The following MRO variants were observed in gnomAD, a reference collection of about 807,000 sequenced individuals.
MRO encodes the protein protein maestro.
In MRO, 28 loss-of-function variants were observed where a neutral mutation model predicts 31.0. That is an observed-to-expected ratio of 0.90 (90% CI 0.67 to 1.24). MRO has a LOEUF of 1.24. MRO is among the 50% of genes most tolerant of loss of function. MRO has a pLI of 0.00. For missense variants in MRO, 332 were observed against 289.2 expected (o/e 1.15, Z -1.07); for synonymous variants, 108 against 108.4 (o/e 1.00, Z 0.02).
intron 2 of MRO, among the ~76,000 whole-genome samples, chr18:50,809,985 A>G (rs559590216): frequency 1.3e-5 from 2 of 152,288 alleles, no homozygotes; most frequent in African/African-American, 4.8e-5. Flanking sequence ...CAGGGGTTTG[A>G]GACAGGGTTT....
chr18:50,799,457 G>C lies in MRO; in HGVS notation c.694-67C>G. The stretch of plus-strand genomic sequence containing the variant: ...ACAAACTTCCTTGACAATGTAACTA[G>C]TAGGCAGTGATCAGTGCAGGGCATG... On this transcript the variant is annotated intron_variant, in intron 7 of 7. Transcript: ENST00000398439. 6.6e-6 allele frequency: 9 copies of C among 1,357,020 alleles called. No homozygotes were observed. In the South Asian group the frequency reaches 8.2e-5, roughly 12 times the overall value. The allele number at this position is 1,357,020 out of a possible 1,614,324, so 84.1% of individuals were successfully genotyped here. A position where few individuals can be genotyped will look rare whatever the true frequency, so the allele number is the denominator to read the frequency against.
At chr18:50,819,122 A>C (rs1915166854) in intron 2 of MRO, among the ~76,000 whole-genome samples, 1 of 152,214 alleles carries the variant, frequency 6.6e-6, no homozygotes, top group Non-Finnish European at 1.5e-5. Flanking sequence ...ACTGGGCTTA[A>C]AGTAATGTTG....
rs1052633801 is a variant in MRO, at chr18:50,798,507, T to G, written c.*830A>C. 3 of 152,196 alleles carry G rather than the reference T, an allele frequency of 2.0e-5. No homozygotes were observed. The highest frequency in any genetic ancestry group is 2.1e-4 in the South Asian group (1 of 4,834). 9.4% of individuals were successfully genotyped at this position (152,196 alleles called of 1,614,324 possible). On this transcript the variant is annotated 3_prime_UTR_variant, in exon 8 of 8. Transcript: ENST00000398439. Reference sequence around the variant, plus strand: ...ATGTTTGAATTCCAGCTCCACTGTTTACTGAGTTATCTGGGGAAAGTTACC... The same window carrying G: ...ATGTTTGAATTCCAGCTCCACTGTTGACTGAGTTATCTGGGGAAAGTTACC...
At chr18:50,809,521 G>T in intron 2 of MRO, 117 bp from the exon 3 acceptor site, 1 of 624,564 alleles carries the variant, frequency 1.6e-6, no homozygotes, top group African/African-American at 1.9e-5. Context: ...CCTGAGGCCT[G>T]TCTTTAGGAA....
chr18:50,799,099 C>G lies in MRO; in HGVS notation c.*238G>C. On this transcript the variant is annotated 3_prime_UTR_variant, in exon 8 of 8. Transcript: ENST00000398439. ...ATGTTTTAAAGAAAGTGTGTACCTG[C>G]TCATCAAATTTGTATGGGGAGGAAA... 1 of 483,280 alleles carries G rather than the reference C, an allele frequency of 2.1e-6. No homozygotes were observed. The highest frequency in any genetic ancestry group is 2.4e-5 in the South Asian group (1 of 41,164). The allele number at this position is 483,280 out of a possible 1,614,324, so 29.9% of individuals were successfully genotyped here.
upstream of MRO, among the ~76,000 whole-genome samples, chr18:50,821,547 A>C (rs12970638): frequency 0.052 from 7,842 of 152,270 alleles, 271 homozygotes; most frequent in Non-Finnish European, 0.081. Flanking sequence ...AGAACAGAGG[A>C]GACTGGAGAA....
At chr18:50,801,592 A>G in intron 5 of MRO, 88 bp from the exon 6 acceptor site, 4 of 1,252,622 alleles carry the variant, frequency 3.2e-6, no homozygotes, top group Non-Finnish European at 4.5e-6. Context: ...ATCGGTCAGA[A>G]CACATCACAG....
chr18:50,823,362 A>T (rs1599052170), upstream of MRO, among the ~76,000 whole-genome samples: 1 of 152,214 alleles, frequency 6.6e-6, no homozygotes, highest in Non-Finnish European at 1.5e-5. Context: ...CCTCCAGCAC[A>T]TGGAGGCAGG....
At position 50,809,368 on chromosome 18, in the gene MRO, C is replaced by T. The variant is rs753654021; in HGVS notation, c.33G>A (p.Gln11=). The change falls in exon 3 of 8, where the codon CAG becomes CAA. Residue 11 remains glutamine, a synonymous_variant. Coordinates refer to ENST00000398439, the MANE Select transcript of MRO (RefSeq NM_031939.6). The stretch of plus-strand genomic sequence containing the variant: ...GCTGGGAAGTAGGGATGGAAAGGGG[C>T]TGGCCCAGGATTCTCCTCTGTCTTT... MDQRQRRILG[Q]PLSIPTSQPK... 1 of 1,613,676 alleles carries T rather than the reference C, an allele frequency of 6.2e-7. No homozygotes were observed. Among genetic ancestry groups the T allele is most frequent in the Non-Finnish European group, 8.5e-7 (1 of 1,179,772 alleles).
upstream of MRO, chr18:50,823,618 A>C (rs191264090): frequency 7.2e-5 from 11 of 152,244 alleles, no homozygotes; most frequent in Non-Finnish European, 1.2e-4. Flanking sequence ...CCACAAAATC[A>C]TGCAAACCAA....
At chr18:50,806,125 G>A (rs1913899568) in intron 4 of MRO, among the ~76,000 whole-genome samples, 1 of 152,066 alleles carries the variant, frequency 6.6e-6, no homozygotes, top group Admixed American at 6.5e-5. Context: ...AAAAGAAATG[G>A]GGTTTCACCA....
chr18:50,812,307 A>G (rs1357083726), intron 2 of MRO, among the ~76,000 whole-genome samples: 10 of 152,038 alleles, frequency 6.6e-5, no homozygotes, highest in Non-Finnish European at 2.9e-5. Context: ...GGTGATTTCT[A>G]TGTCTTCTTT....
chr18:50,815,226 T>G (rs1266372603), intron 2 of MRO: 1 of 211,028 alleles, frequency 4.7e-6, no homozygotes, highest in Admixed American at 4.8e-5. Context: ...GTGTCCTTTC[T>G]AAATGAGATG....
chr18:50,806,674 A>T, intron 4 of MRO, 30 bp downstream of exon 4: 4 of 1,610,054 alleles, frequency 2.5e-6, no homozygotes, highest in Middle Eastern at 1.7e-4. Flanking sequence ...AGGCTTGGGG[A>T]GCTGGCTGAG....
intron 2 of MRO, among the ~76,000 whole-genome samples, chr18:50,812,673 G>GAGTTAATATT (rs1333669272): frequency 6.6e-6 from 1 of 152,102 alleles, no homozygotes; most frequent in Non-Finnish European, 1.5e-5. Context: ...GATCCATTTT[G>GAGTTAATATT]AGTTAATATT....
intron 2 of MRO, among the ~76,000 whole-genome samples, chr18:50,811,213 C>A (rs958680600): frequency 6.6e-6 from 1 of 152,160 alleles, no homozygotes; most frequent in African/African-American, 2.4e-5. Flanking sequence ...ATATGAGTAA[C>A]CTGATGATTT....
chr18:50,808,044 G>T (rs1477310793), intron 3 of MRO, among the ~76,000 whole-genome samples: 1 of 152,196 alleles, frequency 6.6e-6, no homozygotes, highest in East Asian at 1.9e-4. Context: ...CTGAGATCAC[G>T]CCATTGCACT....
At chr18:50,814,272 T>C (rs1914707431) in intron 2 of MRO, 1 of 146,674 alleles carries the variant, frequency 6.8e-6, no homozygotes, top group Non-Finnish European at 1.5e-5. Flanking sequence ...AGCATTAAGA[T>C]TACCTTCAAA....
chr18:50,799,445 A>G, intron 7 of MRO, 55 bp from the exon 8 acceptor site: 6 of 1,452,110 alleles, frequency 4.1e-6, no homozygotes, highest in Non-Finnish European at 4.8e-6. Flanking sequence ...AACTTCCTTG[A>G]CAATGTAACT....
Sources: allele counts gnomAD v4.1 joint callset (sites outside exome capture counted in the v4.1 genomes callset), GRCh38; gene constraint gnomAD v4.1.1; transcripts MANE v1.5; gene names NCBI Gene and HGNC (gene_info 2026-07-23, HGNC 2026-07-21).